TENM2: variants seen among roughly 807,000 people sequenced by gnomAD.
The protein encoded by TENM2 is teneurin transmembrane protein 2.
A neutral mutation model predicts 245.2 loss-of-function variants in TENM2; 52 were observed. The observed-to-expected ratio is 0.21, with a 90% CI of 0.17 to 0.27. TENM2 has a LOEUF of 0.27. Ranked by LOEUF, TENM2 falls within the 10% of genes least tolerant of loss-of-function variation. The pLI, the probability that TENM2 is intolerant of heterozygous loss-of-function variation, is 1.00. For missense variants in TENM2, 3,046 were observed against 3,666.8 expected (o/e 0.83, Z 4.37); for synonymous variants, 1,363 against 1,438.9 (o/e 0.95, Z 1.19).
intron 12 of TENM2, among the ~76,000 whole-genome samples, chr5:168,156,586 T>C (rs1179369654): frequency 6.6e-6 from 1 of 152,224 alleles, no homozygotes; most frequent in Non-Finnish European, 1.5e-5. Flanking sequence ...AAAAGCCTTT[T>C]ATGGTAATTA....
At chr5:167,680,604 ACAGGACC>A (rs1327376115) in intron 2 of TENM2, among the ~76,000 whole-genome samples, 1 of 152,144 alleles carries the variant, frequency 6.6e-6, no homozygotes, top group African/African-American at 2.4e-5. Flanking sequence ...AAATAAATAG[ACAGGACC>A]TAGTTGAGAA....
In TENM2 at chr5:168,241,362, TCTC is replaced by T. The variant is rs565478397; in HGVS notation, c.5521-3055_5521-3053del. Among the ~76,000 whole-genome samples, 11 of 151,924 alleles carry T rather than the reference TCTC, an allele frequency of 7.2e-5. No individual in the cohort carries two copies. The South Asian group carries it at 2.3e-3, about 32-fold the overall frequency. Reference sequence around the variant, plus strand: ...CCTCCACCTCCTGGGTTCAAACAATTCTCCTGCTCAGCCTTTTGGGTAGCTGGG... The same window carrying T: ...CCTCCACCTCCTGGGTTCAAACAATTCTGCTCAGCCTTTTGGGTAGCTGGG... On this transcript the variant is annotated intron_variant, in intron 25 of 28. Coordinates refer to ENST00000518659, the Ensembl canonical transcript of TENM2.
the TENM2 span, among the ~76,000 whole-genome samples, chr5:167,217,742 T>G: frequency 4.6e-3 from 676 of 147,458 alleles, 5 homozygotes; most frequent in African/African-American, 0.015. Context: ...ATATAATATA[T>G]GTGATATGTG....
intron 2 of TENM2, among the ~76,000 whole-genome samples, chr5:167,524,244 G>A (rs972490982): frequency 1.5e-4 from 23 of 152,018 alleles, no homozygotes; most frequent in African/African-American, 5.6e-4. Context: ...GCCATCAATA[G>A]CCATGAGACT....
At chr5:167,074,886 G>A in the TENM2 span, among the ~76,000 whole-genome samples, 1 of 152,094 alleles carries the variant, frequency 6.6e-6, no homozygotes, top group Non-Finnish European at 1.5e-5. Flanking sequence ...CAGTGTCTTG[G>A]AGGCCAGCTT....
the TENM2 span, among the ~76,000 whole-genome samples, chr5:167,254,423 G>C: frequency 1.3e-5 from 2 of 152,130 alleles, no homozygotes; most frequent in Non-Finnish European, 2.9e-5. Flanking sequence ...TCTCTATTAT[G>C]CATTTGTGCC....
intron 2 of TENM2, among the ~76,000 whole-genome samples, chr5:167,485,915 C>T (rs893800961): frequency 2.0e-5 from 3 of 152,042 alleles, no homozygotes; most frequent in African/African-American, 4.8e-5. Context: ...ATATGGAACT[C>T]GATAGGGCCT....
At chr5:167,392,104 CTT>C (rs1477970079) in intron 2 of TENM2, among the ~76,000 whole-genome samples, 1 of 152,084 alleles carries the variant, frequency 6.6e-6, no homozygotes, top group Non-Finnish European at 1.5e-5. Context: ...AACCCACAGT[CTT>C]TTTTCCTTTC....
the TENM2 span, among the ~76,000 whole-genome samples, chr5:167,103,939 C>T: frequency 1.3e-5 from 2 of 151,952 alleles, no homozygotes; most frequent in Non-Finnish European, 2.9e-5. Flanking sequence ...ATCGTGACAC[C>T]ACATTTCCCC....
intron 2 of TENM2, among the ~76,000 whole-genome samples, chr5:167,766,701 A>AC (rs1763046756): frequency 6.6e-6 from 1 of 152,020 alleles, no homozygotes; most frequent in Non-Finnish European, 1.5e-5. Context: ...ACATGGTGAA[A>AC]CCCCATCTCT....
At chr5:167,233,425 T>G in the TENM2 span, among the ~76,000 whole-genome samples, 31,554 of 151,912 alleles carry the variant, frequency 0.21, 3,824 homozygotes, top group African/African-American at 0.34. Flanking sequence ...TATATATTTT[T>G]GGGGAAGGGC....
intron 3 of TENM2, among the ~76,000 whole-genome samples, chr5:167,947,933 G>A (rs150311810): frequency 1.1e-4 from 16 of 152,152 alleles, no homozygotes; most frequent in East Asian, 9.7e-4. Flanking sequence ...AGACTATGGC[G>A]CAAGACAAGC....
the TENM2 span, among the ~76,000 whole-genome samples, chr5:167,054,784 T>C: frequency 6.6e-6 from 1 of 152,174 alleles, no homozygotes; most frequent in African/African-American, 2.4e-5. Context: ...GAATATGATA[T>C]TGAACATCTA....
At chr5:167,239,864 CCAGATTCAAGCGATTCTCCTGCCTCA>C in the TENM2 span, among the ~76,000 whole-genome samples, 14 of 152,252 alleles carry the variant, frequency 9.2e-5, no homozygotes, top group Non-Finnish European at 1.2e-4. Context: ...CCTCTGCCTC[CCAGATTCAAGCGATTCTCCTGCCTCA>C]ATCTCCCAAG....
At chr5:167,179,294 G>A in the TENM2 span, among the ~76,000 whole-genome samples, 1 of 152,124 alleles carries the variant, frequency 6.6e-6, no homozygotes, top group African/African-American at 2.4e-5. Flanking sequence ...TTGGCCGTGA[G>A]GTACCTTTTA....
intron 2 of TENM2, among the ~76,000 whole-genome samples, chr5:167,473,222 T>C (rs947323467): frequency 5.3e-5 from 8 of 152,242 alleles, no homozygotes; most frequent in African/African-American, 1.9e-4. Context: ...AGGTTTTACA[T>C]GTTATCTAGA....
At chr5:167,416,218 T>C (rs1040452428) in intron 2 of TENM2, among the ~76,000 whole-genome samples, 8 of 152,192 alleles carry the variant, frequency 5.3e-5, no homozygotes, top group African/African-American at 1.9e-4. Context: ...GATGCCTTTA[T>C]TGTAACAGTG....
At chr5:167,029,411 G>T in the TENM2 span, among the ~76,000 whole-genome samples, 35 of 152,140 alleles carry the variant, frequency 2.3e-4, no homozygotes, top group Non-Finnish European at 4.4e-4. Context: ...AATAGTTAAG[G>T]TGAAATTGAT....
chr5:167,988,959 A>G (rs1194011153), intron 4 of TENM2, among the ~76,000 whole-genome samples: 2 of 152,216 alleles, frequency 1.3e-5, no homozygotes, highest in African/African-American at 4.8e-5. Context: ...ATAACATTAA[A>G]GCCAATTTAA....
Sources: gnomAD v4.1 joint callset for allele counts (sites outside exome capture counted in the v4.1 genomes callset) on GRCh38, gnomAD v4.1.1 for gene constraint, MANE v1.5 for transcripts, NCBI Gene and HGNC (gene_info 2026-07-23, HGNC 2026-07-21) for gene names.